Variants in SYNE2 observed in about 807,000 individuals in gnomAD.
SYNE2 encodes the protein spectrin repeat containing nuclear envelope protein 2, also known as nesprin-2.
In SYNE2, 431 loss-of-function variants were observed where a neutral mutation model predicts 856.3. The ratio of observed to expected loss-of-function variants is 0.50; its 90% CI spans 0.47 to 0.55. The LOEUF (loss-of-function observed/expected upper bound fraction) is 0.55, where lower values mean the gene tolerates loss of function less well. SYNE2 is among the 20% of genes least tolerant of loss of function. SYNE2 has a pLI of 0.00. For missense variants in SYNE2, 8,129 were observed against 8,023.2 expected, an observed-to-expected ratio of 1.01 and a Z score of -0.50; for synonymous variants, 2,923 against 2,872.3, an observed-to-expected ratio of 1.02 and a Z score of -0.56.
chr14:64,128,225 G>A (rs1015179686), intron 73 of SYNE2, among the ~76,000 whole-genome samples: 16 of 152,126 alleles, frequency 1.1e-4, no homozygotes, highest in African/African-American at 3.9e-4. Context: ...TAGCCTGAAG[G>A]AAAGGAGATT....
At chr14:64,123,879 C>A (rs1312575864) in intron 70 of SYNE2, among the ~76,000 whole-genome samples, 1 of 151,008 alleles carries the variant, frequency 6.6e-6, no homozygotes, top group Non-Finnish European at 1.5e-5. Context: ...CACACACACA[C>A]ACACACACCA....
At chr14:64,010,170 G>T in intron 32 of SYNE2, 54 bp downstream of exon 32, 2 of 1,540,024 alleles carry the variant, frequency 1.3e-6, no homozygotes, top group Admixed American at 1.9e-5. Flanking sequence ...TGACAGGCCT[G>T]GTAGTAAAGA....
chr14:63,810,055 C>G (rs923913921), intron 1 of SYNE2, among the ~76,000 whole-genome samples: 1 of 152,044 alleles, frequency 6.6e-6, no homozygotes, highest in Non-Finnish European at 1.5e-5. Context: ...GACACTGTCT[C>G]TACAAAAAAT....
At chr14:64,129,112 A>T in intron 74 of SYNE2, among the ~76,000 whole-genome samples, 1 of 151,884 alleles carries the variant, frequency 6.6e-6, no homozygotes, top group Non-Finnish European at 1.5e-5. Flanking sequence ...ATTTAAGACC[A>T]GCCTGGCCAG....
At chr14:63,954,976 A>C in intron 8 of SYNE2, 61 bp downstream of exon 8, 8 of 1,367,016 alleles carry the variant, frequency 5.9e-6, no homozygotes, top group Non-Finnish European at 6.2e-6. Context: ...TTGATTTCAA[A>C]ATAGTATCTA....
chr14:64,039,271 A>G (rs1467910117), intron 45 of SYNE2, among the ~76,000 whole-genome samples: 1 of 152,236 alleles, frequency 6.6e-6, no homozygotes, highest in African/African-American at 2.4e-5. Context: ...GCCTGTCACA[A>G]AGTTACCATA....
In SYNE2 at chr14:64,063,038, G is replaced by T. The variant is rs369607835; in HGVS notation, c.10212+143G>T. Reference sequence around the variant, plus strand: ...AATATCCATGAATATTCCTCAAATCGAAAGCCAGAGAGTAATGTTTTATAT... The same window carrying T: ...AATATCCATGAATATTCCTCAAATCTAAAGCCAGAGAGTAATGTTTTATAT... On this transcript the variant is annotated intron_variant, in intron 50 of 115. Coordinates refer to ENST00000555002, the MANE Select transcript of SYNE2 (RefSeq NM_182914.3). The T allele has an allele frequency of 9.0e-6, 9 of 996,252 alleles. No homozygotes were observed. The African/African-American group carries it at 1.4e-4, about 16-fold the overall frequency. The allele number at this position is 996,252 out of a possible 1,614,324, so 61.7% of individuals were successfully genotyped here. A position where few individuals can be genotyped will look rare whatever the true frequency, so the allele number is the denominator to read the frequency against.
chr14:64,115,019 C>T (rs1395169959), intron 66 of SYNE2, among the ~76,000 whole-genome samples: 2 of 152,162 alleles, frequency 1.3e-5, no homozygotes, highest in African/African-American at 2.4e-5. Flanking sequence ...CATAGAGCGT[C>T]ATACAGCACA....
chr14:64,062,780 A>G lies in SYNE2; in HGVS notation c.10097A>G (p.Lys3366Arg). Residue 3366 changes from lysine to arginine, a missense_variant, in exon 50 of 116, where the codon AAA (lysine) becomes AGA (arginine). Lys to Arg is a conservative substitution (Grantham distance 26). Transcript: ENST00000555002. ...CTTGAGAATTACAAATGCTATAGAA[A>G]AATGGAAGAGGATATTTACACTAAC... ...RYLENYKCYR[K>R]MEEDIYTNLS... is the part of the protein sequence containing the mutation. The G allele has an allele frequency of 3.1e-6, 5 of 1,614,030 alleles. No individual in the cohort carries two copies. The highest frequency in any genetic ancestry group is 4.2e-6 in the Non-Finnish European group (5 of 1,179,882).
rs745819861 is a variant in SYNE2 at position 64,170,280 on chromosome 14, G to C, written c.17053G>C (p.Val5685Leu). The C allele has an allele frequency of 3.7e-6, 6 of 1,614,030 alleles. No individual in the cohort carries two copies. The highest frequency in any genetic ancestry group is 4.2e-6 in the Non-Finnish European group (5 of 1,180,052). Residue 5685 changes from valine to leucine, a missense_variant, in exon 94 of 116, where the codon GTC becomes CTC. Val to Leu is a conservative substitution (Grantham distance 32). Coordinates refer to ENST00000555002, the MANE Select transcript of SYNE2 (RefSeq NM_182914.3). Reference sequence around the variant, plus strand: ...GCTGACGGATCGGTGGCAGAATGCTGTCCAGGGTGTTCGGCAGAGGAAGGG... The same window carrying C: ...GCTGACGGATCGGTGGCAGAATGCTCTCCAGGGTGTTCGGCAGAGGAAGGG... ...SKLTDRWQNA[V>L]QGVRQRKGDV... is the part of the protein sequence containing the mutation.
chr14:63,998,378 G>A (rs370884161), intron 26 of SYNE2, 50 bp downstream of exon 26: 45 of 1,234,820 alleles, frequency 3.6e-5, no homozygotes, highest in Non-Finnish European at 5.0e-5. Context: ...GTCTTTCATC[G>A]ATGCAAACAT....
At chr14:64,199,705 C>G (rs1337801923) in intron 99 of SYNE2, among the ~76,000 whole-genome samples, 1 of 124,334 alleles carries the variant, frequency 8.0e-6, no homozygotes, top group Admixed American at 8.9e-5. Flanking sequence ...GCGATAGAGA[C>G]TCTGTCTCAA....
In SYNE2 at chr14:64,214,258, A is replaced by G; in HGVS notation, c.19121A>G (p.Gln6374Arg). ...GACATGGAAGACCCCAGAGAAATCC[A>G]GACTGATTCTTGGCGTAAACGGGGA... The part of the protein sequence containing the change: ...ETDMEDPREI[Q>R]TDSWRKRGES... Residue 6374 changes from glutamine to arginine, a missense_variant, in exon 106 of 116, where the codon CAG (glutamine) becomes CGG (arginine). Physicochemically the swap from Gln to Arg is conservative, Grantham distance 43. Transcript: ENST00000555002. 1 of 1,614,190 alleles carries G rather than the reference A, an allele frequency of 6.2e-7. No individual in the cohort carries two copies. The highest frequency in any genetic ancestry group is 2.2e-5 in the East Asian group (1 of 44,888).
intron 64 of SYNE2, among the ~76,000 whole-genome samples, chr14:64,102,259 G>A (rs1169415961): frequency 6.6e-6 from 1 of 152,146 alleles, no homozygotes; most frequent in African/African-American, 2.4e-5. Context: ...TGGGATTACA[G>A]GCACACGTCA....
chr14:64,044,951 A>G (rs913090481), intron 45 of SYNE2, among the ~76,000 whole-genome samples: 1 of 152,214 alleles, frequency 6.6e-6, no homozygotes, highest in Admixed American at 6.5e-5. Flanking sequence ...ATTCAAGTTC[A>G]TATGAAATAT....
intron 44 of SYNE2, 76 bp downstream of exon 44, chr14:64,030,135 T>G: frequency 7.0e-7 from 1 of 1,438,314 alleles, no homozygotes; most frequent in Admixed American, 1.8e-5. Context: ...TTAATCAGTG[T>G]CCTCTGTCAG....
chr14:63,994,117 G>A (rs2096692574), intron 22 of SYNE2, 148 bp downstream of exon 22: 2 of 783,248 alleles, frequency 2.6e-6, no homozygotes, highest in Middle Eastern at 2.4e-4. Context: ...GGTTCATACA[G>A]AGTTTCATAG....
At chr14:64,112,313 A>G (rs1434920375) in intron 65 of SYNE2, among the ~76,000 whole-genome samples, 1 of 152,262 alleles carries the variant, frequency 6.6e-6, no homozygotes, top group African/African-American at 2.4e-5. Flanking sequence ...AAACTCTTAT[A>G]GAAAACATTG....
At chr14:64,006,338 G>T (rs2096795423) in intron 30 of SYNE2, among the ~76,000 whole-genome samples, 1 of 147,786 alleles carries the variant, frequency 6.8e-6, no homozygotes, top group South Asian at 2.1e-4. Flanking sequence ...TTAGGATCCT[G>T]CAGTTCTTGG....
Sources: gnomAD v4.1 joint callset for allele counts (sites outside exome capture counted in the v4.1 genomes callset) on GRCh38, gnomAD v4.1.1 for gene constraint, MANE v1.5 for transcripts, NCBI Gene and HGNC (gene_info 2026-07-23, HGNC 2026-07-21) for gene names.